The following RBM17 variants were observed in gnomAD, a reference collection of about 807,000 sequenced individuals.
The protein encoded by RBM17 is RNA binding motif protein 17, also known as splicing factor 45.
RBM17 carries 7 observed loss-of-function variants against 53.2 expected under a neutral mutation model. That is an observed-to-expected ratio of 0.13 (90% CI 0.07 to 0.25). The LOEUF is 0.25. Ranked by LOEUF, RBM17 falls within the 10% of genes least tolerant of loss-of-function variation. RBM17 has a pLI of 1.00. For missense variants in RBM17, 257 were observed against 496.7 expected (o/e 0.52, Z 4.59); for synonymous variants, 167 against 178.1 (o/e 0.94, Z 0.50).
chr10:6,106,252 A>C lies in RBM17; in HGVS notation c.505+14A>C, dbSNP rs1345136714. On this transcript the variant is annotated intron_variant, in intron 5 of 11. Transcript: ENST00000379888. ...GGAGGAAAAGAAGTAAGGCATGAAC[A>C]AATATGTCTTAAACATATATAAATA... is the stretch of plus-strand genomic sequence containing the variant. 6.5e-6 allele frequency: 10 copies of C among 1,533,008 alleles called. No individual in the cohort carries two copies. The highest frequency in any genetic ancestry group is 1.7e-4 in the Middle Eastern group (1 of 5,896). The allele number at this position is 1,533,008 out of a possible 1,614,324, so 95.0% of individuals were successfully genotyped here.
intron 2 of RBM17, among the ~76,000 whole-genome samples, chr10:6,098,544 C>T (rs1028627853): frequency 1.4e-5 from 2 of 139,048 alleles, no homozygotes; most frequent in Admixed American, 7.3e-5. Context: ...TGAAAATTTC[C>T]GTAATACACA....
chr10:6,115,099 T>C, intron 10 of RBM17, 140 bp from the exon 11 acceptor site: 1 of 687,202 alleles, frequency 1.5e-6, no homozygotes, highest in Non-Finnish European at 2.4e-6. Context: ...CAAATTATAC[T>C]TATTTCCTTG....
At chr10:6,102,519 C>T (rs1840683010) in intron 3 of RBM17, among the ~76,000 whole-genome samples, 1 of 152,130 alleles carries the variant, frequency 6.6e-6, no homozygotes, top group Non-Finnish European at 1.5e-5. Context: ...AGTCATTGAG[C>T]ATTTTCCCCC....
At position 6,112,487 on chromosome 10, in the gene RBM17, T is replaced by G. The variant is rs1214052811; in HGVS notation, c.856+126T>G. On this transcript the variant is annotated intron_variant, in intron 8 of 11. Transcript: ENST00000379888. This position sits in a 1 kb window ranked among gnomAD's most constrained non-coding sequence, Gnocchi z 4.4. ...AGGCGTGTGGCCAGAGGGAGAGGGC[T>G]GGCCCTGCCATCACTAGAACACAGG... 3 of 1,168,820 alleles carry G rather than the reference T, an allele frequency of 2.6e-6. No individual in the cohort carries two copies. In the African/African-American group the frequency reaches 4.6e-5, roughly 18 times the overall value. The allele number at this position is 1,168,820 out of a possible 1,614,324, so 72.4% of individuals were successfully genotyped here. A position where few individuals can be genotyped will look rare whatever the true frequency, so the allele number is the denominator to read the frequency against.
At chr10:6,091,905 A>G (rs1459168997) in intron 1 of RBM17, among the ~76,000 whole-genome samples, 1 of 152,150 alleles carries the variant, frequency 6.6e-6, no homozygotes, top group South Asian at 2.1e-4. Context: ...TCTGAGATGC[A>G]CTTGAAAGAT....
intron 2 of RBM17, among the ~76,000 whole-genome samples, chr10:6,097,506 G>A (rs1415669011): frequency 6.6e-6 from 1 of 152,178 alleles, no homozygotes; most frequent in Admixed American, 6.5e-5. Flanking sequence ...AGACCATCCT[G>A]GCTAACAAGG....
intron 6 of RBM17, among the ~76,000 whole-genome samples, chr10:6,109,219 G>T (rs561506050): frequency 1.3e-5 from 2 of 151,972 alleles, no homozygotes; most frequent in Non-Finnish European, 2.9e-5. Context: ...GTTCCTTCTC[G>T]CAGTGATCTG....
At chr10:6,113,630 G>T in intron 9 of RBM17, 49 bp downstream of exon 9, 1 of 1,257,920 alleles carries the variant, frequency 7.9e-7, no homozygotes, top group African/African-American at 1.5e-5. Context: ...ATTTGTGTGT[G>T]TCACCCCAGC....
In RBM17 at chr10:6,114,032, T is replaced by C. The variant is rs781192983; in HGVS notation, c.931-17T>C. ...GTTATACTTGGTACTTGAATTTGTT[T>C]ATTTTTGTGTTTAAAGAACATGGTT... On this transcript the variant is annotated splice_polypyrimidine_tract_variant and intron_variant, in intron 9 of 11. Transcript: ENST00000379888. 9 of 1,568,726 alleles carry C rather than the reference T, an allele frequency of 5.7e-6. No individual in the cohort carries two copies. In the Admixed American group the frequency reaches 8.4e-5, roughly 15 times the overall value.
intron 1 of RBM17, among the ~76,000 whole-genome samples, chr10:6,090,675 T>A (rs987728266): frequency 2.0e-5 from 3 of 152,194 alleles, no homozygotes; most frequent in Non-Finnish European, 1.5e-5. Flanking sequence ...GATCCCAGGC[T>A]AGTCATCTCT....
Position 6,093,968 on chromosome 10 carries a change from A to ATT in RBM17, c.-18-3057_-18-3056dup, listed in dbSNP as rs71390121. Among the ~76,000 whole-genome samples, 859 of 93,236 alleles carry ATT rather than the reference A, an allele frequency of 9.2e-3. 6 individuals carry two copies. The highest frequency in any genetic ancestry group is 0.015 in the African/African-American group (331 of 22,618). 61.2% of individuals were successfully genotyped at this position (93,236 alleles called of 152,430 possible). On this transcript the variant is annotated intron_variant, in intron 1 of 11. Transcript: ENST00000379888. ...CCCATCACATGAAGTCAAGTGTGGA[A>ATT]TTTTTTTTTTTTTTTTTTTTTTTTG...
At chr10:6,114,928 G>T (rs1366446342) in intron 10 of RBM17, 1 of 296,384 alleles carries the variant, frequency 3.4e-6, no homozygotes, top group Non-Finnish European at 6.2e-6. Context: ...TGCTTCCTCT[G>T]TTTCTTTATC....
chr10:6,103,413 T>C lies in RBM17; in HGVS notation c.241-1518T>C, dbSNP rs78358546. ...TGTAAAAGTTTTTTTCTTTGAAATT[T>C]TGAAGTGTCAGAGAATGAACCTTCA... is the stretch of plus-strand genomic sequence containing the variant. On this transcript the variant is annotated intron_variant, in intron 3 of 11. Coordinates refer to ENST00000379888, the MANE Select transcript of RBM17 (RefSeq NM_032905.5). Among the ~76,000 whole-genome samples the C allele has an allele frequency of 5.3e-3, 810 of 152,360 alleles. 3 individuals carry two copies. Among genetic ancestry groups the C allele is most frequent in the South Asian group, 0.032 (154 of 4,826 alleles).
In RBM17 at chr10:6,115,595, T is replaced by G. The variant is rs1227897896; in HGVS notation, c.*39T>G. On this transcript the variant is annotated 3_prime_UTR_variant, in exon 12 of 12. Coordinates refer to ENST00000379888, the MANE Select transcript of RBM17 (RefSeq NM_032905.5). ...AGCACGAGTCATCTCCGGTGATCCT[T>G]AAATGAACTGCAGGCTGAGAAAAGA... 4 of 1,239,540 alleles carry G rather than the reference T, an allele frequency of 3.2e-6. No individual in the cohort carries two copies. Among genetic ancestry groups the G allele is most frequent in the Non-Finnish European group, 4.8e-6 (4 of 840,958 alleles). 76.8% of individuals were successfully genotyped at this position (1,239,540 alleles called of 1,614,324 possible).
intron 3 of RBM17, among the ~76,000 whole-genome samples, chr10:6,104,056 C>T (rs78408991): frequency 1.3e-5 from 2 of 152,076 alleles, no homozygotes; most frequent in African/African-American, 2.4e-5. Context: ...CAGATAATAA[C>T]GAAGAATTAT....
chr10:6,110,364 T>C (rs1262203156), intron 7 of RBM17, among the ~76,000 whole-genome samples: 1 of 152,242 alleles, frequency 6.6e-6, no homozygotes, highest in African/African-American at 2.4e-5. Context: ...ATTATTTTCC[T>C]AGACAGGCAC....
intron 2 of RBM17, among the ~76,000 whole-genome samples, chr10:6,099,991 G>A (rs942610726): frequency 1.3e-5 from 2 of 152,080 alleles, no homozygotes. Context: ...CTGGGAGGCG[G>A]AGGTTGCAGT....
intron 3 of RBM17, among the ~76,000 whole-genome samples, chr10:6,104,524 G>C (rs933497869): frequency 6.6e-6 from 1 of 152,210 alleles, no homozygotes. Flanking sequence ...AATGATGACT[G>C]CAAGAATGAT....
intron 5 of RBM17, 94 bp downstream of exon 5, chr10:6,106,332 T>C: frequency 1.2e-6 from 1 of 801,084 alleles, no homozygotes; most frequent in Non-Finnish European, 2.0e-6. Flanking sequence ...AAATAGTTCA[T>C]TTGACATTGA....
Sources: gnomAD v4.1 joint callset for allele counts (sites outside exome capture counted in the v4.1 genomes callset) on GRCh38, gnomAD v4.1.1 for gene constraint, Gnocchi (gnomAD v3.1) non-coding constraint, MANE v1.5 for transcripts, NCBI Gene and HGNC (gene_info 2026-07-23, HGNC 2026-07-21) for gene names.